ZNF644: variants seen among roughly 807,000 people sequenced by gnomAD.
ZNF644 encodes zinc finger motif enhancer binding protein 2.
ZNF644 carries 20 observed loss-of-function variants against 108.0 expected under a neutral mutation model. The ratio of observed to expected loss-of-function variants is 0.19; its 90% CI spans 0.13 to 0.27. ZNF644 has a LOEUF of 0.27. Ranked by LOEUF, ZNF644 falls within the 10% of genes least tolerant of loss-of-function variation. The pLI is 1.00. For missense variants in ZNF644, 1,338 were observed against 1,548.9 expected, an observed-to-expected ratio of 0.86 and a Z score of 2.29; for synonymous variants, 542 against 539.1, an observed-to-expected ratio of 1.01 and a Z score of -0.08.
At chr1:91,020,121 A>T (rs1220897849) in intron 1 of ZNF644, among the ~76,000 whole-genome samples, 1 of 152,164 alleles carries the variant, frequency 6.6e-6, no homozygotes, top group Non-Finnish European at 1.5e-5. Context: ...TTGTTCTTTG[A>T]TATTGCTTCC....
chr1:90,929,891 C>A (rs760332449), intron 4 of ZNF644, among the ~76,000 whole-genome samples: 3 of 152,120 alleles, frequency 2.0e-5, no homozygotes, highest in Non-Finnish European at 4.4e-5. Flanking sequence ...TAATATATTG[C>A]ACTAGTGGTA....
intron 2 of ZNF644, among the ~76,000 whole-genome samples, chr1:90,961,319 CTTAA>C (rs777503787): frequency 6.6e-6 from 1 of 152,126 alleles, no homozygotes; most frequent in African/African-American, 2.4e-5. Flanking sequence ...ATCTAATTTA[CTTAA>C]TTTATTAACA....
intron 1 of ZNF644, chr1:91,021,584 G>C (rs1430824502): frequency 6.4e-6 from 1 of 156,432 alleles, no homozygotes; most frequent in East Asian, 1.8e-4. Flanking sequence ...CTAGTGCCCA[G>C]CTCAGCCCCT....
chr1:91,007,690 T>A (rs1295593984), intron 1 of ZNF644, among the ~76,000 whole-genome samples: 1 of 152,208 alleles, frequency 6.6e-6, no homozygotes, highest in Non-Finnish European at 1.5e-5. Flanking sequence ...GTGTTTCATA[T>A]TCTAAATTTC....
At chr1:90,932,205 C>A (rs1311638414) in intron 4 of ZNF644, among the ~76,000 whole-genome samples, 1 of 152,172 alleles carries the variant, frequency 6.6e-6, no homozygotes, top group Admixed American at 6.5e-5. Context: ...CCAGTTCCCA[C>A]AGAAAAGACC....
At chr1:90,917,821 A>G (rs934373114) in intron 5 of ZNF644, among the ~76,000 whole-genome samples, 1 of 152,226 alleles carries the variant, frequency 6.6e-6, no homozygotes, top group Non-Finnish European at 1.5e-5. Flanking sequence ...AAATCACAGT[A>G]TAATAGATTT....
intron 2 of ZNF644, among the ~76,000 whole-genome samples, chr1:90,967,702 AT>A (rs1655058723): frequency 6.6e-6 from 1 of 152,156 alleles, no homozygotes; most frequent in East Asian, 1.9e-4. Flanking sequence ...CATCAGACAC[AT>A]TGCATATTTC....
intron 2 of ZNF644, among the ~76,000 whole-genome samples, chr1:90,970,473 T>C (rs1007799430): frequency 1.3e-5 from 2 of 152,196 alleles, no homozygotes; most frequent in African/African-American, 2.4e-5. Context: ...AAGCACCCCA[T>C]ACAACTTGTA....
intron 1 of ZNF644, among the ~76,000 whole-genome samples, chr1:90,991,837 A>G (rs1385552649): frequency 1.3e-5 from 2 of 152,208 alleles, no homozygotes; most frequent in Non-Finnish European, 2.9e-5. Flanking sequence ...TTTGGTAGGG[A>G]CACAGAGCCA....
intron 4 of ZNF644, among the ~76,000 whole-genome samples, chr1:90,920,133 T>C (rs1197022005): frequency 2.0e-5 from 3 of 152,056 alleles, no homozygotes; most frequent in Admixed American, 6.6e-5. Flanking sequence ...TAAGTGCTAC[T>C]AGATGTCAGC....
intron 2 of ZNF644, among the ~76,000 whole-genome samples, chr1:90,956,254 G>A (rs1653743362): frequency 6.6e-6 from 1 of 152,192 alleles, no homozygotes; most frequent in Non-Finnish European, 1.5e-5. Flanking sequence ...TTGAAACACT[G>A]TGAGGATTAC....
intron 2 of ZNF644, among the ~76,000 whole-genome samples, chr1:90,944,331 A>G (rs534865968): frequency 1.3e-5 from 2 of 152,300 alleles, no homozygotes; most frequent in South Asian, 4.1e-4. Context: ...CATTCTGAAG[A>G]TATCAACCTG....
chr1:90,959,477 TGAA>T (rs1172636841), intron 2 of ZNF644, among the ~76,000 whole-genome samples: 1 of 152,106 alleles, frequency 6.6e-6, no homozygotes, highest in Non-Finnish European at 1.5e-5. Context: ...TTCATAAAAG[TGAA>T]ATAGTAAAAA....
chr1:90,997,573 G>C (rs1000709440), intron 1 of ZNF644, among the ~76,000 whole-genome samples: 1 of 151,980 alleles, frequency 6.6e-6, no homozygotes, highest in Non-Finnish European at 1.5e-5. Context: ...AAGGGGAGGG[G>C]GGCGGTTCCA....
chr1:90,923,028 A>G (rs1649640662), intron 4 of ZNF644, among the ~76,000 whole-genome samples: 2 of 152,136 alleles, frequency 1.3e-5, no homozygotes, highest in South Asian at 4.1e-4. Flanking sequence ...AGCTTGTGTA[A>G]AACAGGAATG....
chr1:90,981,659 T>C (rs1333997452), intron 2 of ZNF644, among the ~76,000 whole-genome samples: 2 of 152,060 alleles, frequency 1.3e-5, no homozygotes, highest in Non-Finnish European at 1.5e-5. Context: ...CAACGGCTTA[T>C]ATTATTAAAA....
At chr1:90,965,096 T>A (rs1387147937) in intron 2 of ZNF644, among the ~76,000 whole-genome samples, 1 of 152,164 alleles carries the variant, frequency 6.6e-6, no homozygotes, top group Non-Finnish European at 1.5e-5. Context: ...AGTTAATAAC[T>A]GTATTAATTT....
intron 4 of ZNF644, among the ~76,000 whole-genome samples, chr1:90,934,971 T>C (rs1021181679): frequency 6.6e-6 from 1 of 152,102 alleles, no homozygotes; most frequent in Non-Finnish European, 1.5e-5. Context: ...GGCACAATCA[T>C]AGCACATTAT....
chr1:90,952,341 G>A (rs1653261910), intron 2 of ZNF644, among the ~76,000 whole-genome samples: 1 of 152,164 alleles, frequency 6.6e-6, no homozygotes. Context: ...ATTCTCACTT[G>A]TGACAAAAAT....
Sources: gnomAD v4.1 joint callset for allele counts (sites outside exome capture counted in the v4.1 genomes callset) on GRCh38, gnomAD v4.1.1 for gene constraint, MANE v1.5 for transcripts, NCBI Gene and HGNC (gene_info 2026-07-23, HGNC 2026-07-21) for gene names.